Variants in STPG2 observed in about 807,000 individuals in gnomAD.
The protein encoded by STPG2 is sperm tail PG-rich repeat containing 2.
STPG2 carries 56 observed loss-of-function variants against 54.2 expected under a neutral mutation model. The ratio of observed to expected loss-of-function variants is 1.03; its 90% CI spans 0.83 to 1.29. The LOEUF (loss-of-function observed/expected upper bound fraction) is 1.29. Ranked by LOEUF, STPG2 falls within the 50% of genes most tolerant of loss-of-function variation. STPG2 has a pLI of 0.00. For missense variants in STPG2, 596 were observed against 544.9 expected (o/e 1.09, Z -0.93); for synonymous variants, 200 against 181.8 (o/e 1.10, Z -0.81).
intron 4 of STPG2, among the ~76,000 whole-genome samples, chr4:97,534,761 G>T (rs1382830725): frequency 6.6e-6 from 1 of 152,106 alleles, no homozygotes; most frequent in Non-Finnish European, 1.5e-5. Context: ...AAAATCTTGT[G>T]TCCTTTTACA....
chr4:97,634,193 C>T (rs1337509689), intron 10 of STPG2, among the ~76,000 whole-genome samples: 4 of 152,176 alleles, frequency 2.6e-5, no homozygotes, highest in Non-Finnish European at 4.4e-5. Context: ...CCCTGACCCC[C>T]GAGCACCCTA....
chr4:97,714,988 A>G (rs1269540387), intron 9 of STPG2, among the ~76,000 whole-genome samples: 1 of 152,172 alleles, frequency 6.6e-6, no homozygotes, highest in Non-Finnish European at 1.5e-5. Flanking sequence ...ATTAAAAGAA[A>G]AGAAATTATT....
At chr4:97,878,768 A>G (rs1390115987) in intron 8 of STPG2, among the ~76,000 whole-genome samples, 1 of 152,214 alleles carries the variant, frequency 6.6e-6, no homozygotes, top group Non-Finnish European at 1.5e-5. Flanking sequence ...TGGGGGATTA[A>G]CATTTGGCTC....
At chr4:98,042,218 C>G (rs934241862) in intron 5 of STPG2, among the ~76,000 whole-genome samples, 3 of 124,886 alleles carry the variant, frequency 2.4e-5, no homozygotes, top group African/African-American at 9.4e-5. Flanking sequence ...TGGATTTTCT[C>G]TGTTTTTTTT....
chr4:97,510,713 T>C (rs1730954045), intron 4 of STPG2, among the ~76,000 whole-genome samples: 1 of 152,128 alleles, frequency 6.6e-6, no homozygotes, highest in African/African-American at 2.4e-5. Context: ...CCCTCACATG[T>C]GCAGTTCACA....
intron 4 of STPG2, among the ~76,000 whole-genome samples, chr4:97,548,793 T>G (rs935321029): frequency 1.3e-5 from 2 of 152,184 alleles, no homozygotes; most frequent in Non-Finnish European, 2.9e-5. Context: ...ATGATACTAC[T>G]AAAAGATACA....
chr4:97,972,347 G>A lies in STPG2; in HGVS notation c.866C>T (p.Ser289Phe), dbSNP rs1734358220. Residue 289 changes from serine to phenylalanine, a missense_variant, in exon 7 of 11, where the codon TCT becomes TTT. Ser to Phe is a radical substitution (Grantham distance 155). Transcript: ENST00000295268. ...AACCGAGAAGAAAGTCCGAGGAACA[G>A]AAGAACCAAATGCACTTTTCTTCTG... is the stretch of plus-strand genomic sequence containing the variant. ...KKQKKSAFGS[S>F]VPRTFFSVQK... The A allele has an allele frequency of 1.2e-6, 2 of 1,610,860 alleles. No individual in the cohort carries two copies. The highest frequency in any genetic ancestry group is 2.2e-5 in the East Asian group (1 of 44,756).
chr4:97,955,002 C>T (rs1003754297), intron 7 of STPG2, among the ~76,000 whole-genome samples: 16 of 151,754 alleles, frequency 1.1e-4, no homozygotes, highest in Non-Finnish European at 1.8e-4. Flanking sequence ...TAGTTGAAAT[C>T]GTAAATAATT....
At chr4:97,484,045 C>T (rs975918415) in intron 4 of STPG2, among the ~76,000 whole-genome samples, 1 of 151,600 alleles carries the variant, frequency 6.6e-6, no homozygotes, top group Admixed American at 6.6e-5. Flanking sequence ...ATGACACAAC[C>T]TATCAAAACC....
intron 8 of STPG2, among the ~76,000 whole-genome samples, chr4:97,896,816 A>G (rs1730972225): frequency 6.6e-6 from 1 of 151,912 alleles, no homozygotes. Context: ...TCACAGTATT[A>G]CAATGAAAGA....
intron 8 of STPG2, among the ~76,000 whole-genome samples, chr4:97,890,038 A>G (rs1035719109): frequency 6.6e-6 from 1 of 152,156 alleles, no homozygotes; most frequent in Non-Finnish European, 1.5e-5. Flanking sequence ...ATTAAAGGCA[A>G]TCAGTTTTTC....
At chr4:98,008,097 A>G (rs1487856461) in intron 5 of STPG2, among the ~76,000 whole-genome samples, 1 of 152,142 alleles carries the variant, frequency 6.6e-6, no homozygotes, top group African/African-American at 2.4e-5. Context: ...AAGAGGCCCA[A>G]AGAACACCAG....
At chr4:97,972,758 G>A (rs1436045874) in intron 6 of STPG2, among the ~76,000 whole-genome samples, 3 of 152,104 alleles carry the variant, frequency 2.0e-5, no homozygotes, top group Non-Finnish European at 4.4e-5. Flanking sequence ...TCTTTCCCAT[G>A]CTGTTCTTTT....
chr4:98,128,494 A>G lies in STPG2; in HGVS notation c.321T>C (p.Ser107=), dbSNP rs1429624546. ...SYGYHINDDG[S]IIKCFPPACD... Reference sequence around the variant, plus strand: ...AAGCAGGTGGAAAACATTTTATAATACTGCCATCATCATTAATATGATAAC... The same window carrying G: ...AAGCAGGTGGAAAACATTTTATAATGCTGCCATCATCATTAATATGATAAC... The change falls in exon 3 of 11, where the codon AGT becomes AGC. Residue 107 remains serine, a synonymous_variant. Coordinates refer to ENST00000295268, the MANE Select transcript of STPG2 (RefSeq NM_174952.3). The G allele has an allele frequency of 6.2e-7, 1 of 1,613,640 alleles. No individual in the cohort carries two copies. Among genetic ancestry groups the G allele is most frequent in the Non-Finnish European group, 8.5e-7 (1 of 1,179,856 alleles).
chr4:98,106,509 A>C (rs1739194123), intron 4 of STPG2, among the ~76,000 whole-genome samples: 1 of 152,174 alleles, frequency 6.6e-6, no homozygotes, highest in South Asian at 2.1e-4. Flanking sequence ...GCTTCTTTTC[A>C]TTGAAATTCA....
intron 5 of STPG2, among the ~76,000 whole-genome samples, chr4:98,053,970 T>C (rs1020734215): frequency 1.3e-5 from 2 of 152,156 alleles, no homozygotes; most frequent in African/African-American, 4.8e-5. Flanking sequence ...TTCATTATAA[T>C]TCAAACCAAA....
intron 8 of STPG2, among the ~76,000 whole-genome samples, chr4:97,913,481 T>C (rs1455285901): frequency 6.6e-6 from 1 of 152,204 alleles, no homozygotes; most frequent in Non-Finnish European, 1.5e-5. Context: ...GACGATAGGC[T>C]ATAGACATAA....
chr4:97,970,225 C>A lies in STPG2; in HGVS notation c.933+2055G>T, dbSNP rs1337110596. Among the ~76,000 whole-genome samples, 3 of 152,270 alleles carry A rather than the reference C, an allele frequency of 2.0e-5. No individual in the cohort carries two copies. In the East Asian group the frequency reaches 5.8e-4, roughly 29 times the overall value. On this transcript the variant is annotated intron_variant, in intron 7 of 10. Transcript: ENST00000295268. Reference sequence around the variant, plus strand: ...GAAGAATCAATATTGTGAAAATGGCCATACTGACCAAGGTAATTTATAGAT... The same window carrying A: ...GAAGAATCAATATTGTGAAAATGGCAATACTGACCAAGGTAATTTATAGAT...
At chr4:97,530,952 C>A (rs990901410) in intron 4 of STPG2, among the ~76,000 whole-genome samples, 1 of 152,082 alleles carries the variant, frequency 6.6e-6, no homozygotes, top group Non-Finnish European at 1.5e-5. Context: ...GGGGAATCAC[C>A]CATTCCATTG....
Sources: gnomAD v4.1 joint callset for allele counts (sites outside exome capture counted in the v4.1 genomes callset) on GRCh38, gnomAD v4.1.1 for gene constraint, MANE v1.5 for transcripts, NCBI Gene and HGNC (gene_info 2026-07-23, HGNC 2026-07-21) for gene names.